Variants in SPIDR observed in about 807,000 individuals in gnomAD.
SPIDR encodes the protein scaffold protein involved in DNA repair.
Under a neutral mutation model 104.6 loss-of-function variants are expected in SPIDR, and 93 were observed. The ratio of observed to expected loss-of-function variants is 0.89; its 90% CI spans 0.75 to 1.06. The LOEUF is 1.06. SPIDR is among the 50% of genes least tolerant of loss of function. The probability of loss-of-function intolerance (pLI) is 0.00; values close to 1 mark genes in which losing one functional copy is unlikely to be tolerated. For missense variants in SPIDR, 1,154 were observed against 1,111.2 expected (o/e 1.04, Z -0.55); for synonymous variants, 431 against 416.9 (o/e 1.03, Z -0.41).
intron 7 of SPIDR, among the ~76,000 whole-genome samples, chr8:47,422,663 A>T (rs145823951): frequency 1.3e-5 from 2 of 152,190 alleles, no homozygotes; most frequent in Non-Finnish European, 2.9e-5. Flanking sequence ...CCGGTACCTC[A>T]GTTGGAAATG....
intron 5 of SPIDR, among the ~76,000 whole-genome samples, chr8:47,319,215 G>T (rs1219686149): frequency 6.6e-6 from 1 of 152,092 alleles, no homozygotes; most frequent in Non-Finnish European, 1.5e-5. Context: ...ATGTGCAGAA[G>T]ACACACACAG....
chr8:47,594,767 G>T (rs2061462136), intron 8 of SPIDR, among the ~76,000 whole-genome samples: 1 of 152,126 alleles, frequency 6.6e-6, no homozygotes. Flanking sequence ...GCCAAGGTGG[G>T]TGGATCACTT....
At chr8:47,654,267 AATC>A in intron 10 of SPIDR, 1 of 924,530 alleles carries the variant, frequency 1.1e-6, no homozygotes, top group Non-Finnish European at 1.5e-6. Flanking sequence ...GCACCTGCCT[AATC>A]CATGTAGGTG....
chr8:47,283,457 G>T (rs2038212326), intron 2 of SPIDR, among the ~76,000 whole-genome samples: 1 of 152,092 alleles, frequency 6.6e-6, no homozygotes, highest in Non-Finnish European at 1.5e-5. Flanking sequence ...AATAATAATG[G>T]TAAAGTTTGA....
chr8:47,483,805 A>G (rs1443362267), intron 8 of SPIDR, among the ~76,000 whole-genome samples: 1 of 152,114 alleles, frequency 6.6e-6, no homozygotes, highest in African/African-American at 2.4e-5. Context: ...AACCTTGGTC[A>G]CCTCTGTGGT....
intron 8 of SPIDR, among the ~76,000 whole-genome samples, chr8:47,498,901 T>C (rs927033967): frequency 6.6e-6 from 1 of 152,210 alleles, no homozygotes; most frequent in Non-Finnish European, 1.5e-5. Context: ...ATTTAGCTTT[T>C]TGATGACGTA....
At chr8:47,471,353 C>A in intron 8 of SPIDR, among the ~76,000 whole-genome samples, 1 of 142,752 alleles carries the variant, frequency 7.0e-6, no homozygotes, top group Non-Finnish European at 1.5e-5. Flanking sequence ...CAGCCCAGTT[C>A]AAAAATGAGC....
chr8:47,596,112 A>G, intron 9 of SPIDR, 106 bp downstream of exon 9: 5 of 957,814 alleles, frequency 5.2e-6, no homozygotes, highest in Non-Finnish European at 7.7e-6. Context: ...TCTCCCTCCA[A>G]AAACCCCACC....
chr8:47,448,227 T>C (rs1554703375), intron 8 of SPIDR, among the ~76,000 whole-genome samples: 4 of 152,188 alleles, frequency 2.6e-5, no homozygotes, highest in Non-Finnish European at 5.9e-5. Context: ...ATTCAAAAAT[T>C]TTTTTACTAC....
intron 10 of SPIDR, among the ~76,000 whole-genome samples, chr8:47,619,284 TGG>T (rs1445953141): frequency 6.6e-6 from 1 of 152,240 alleles, no homozygotes; most frequent in Admixed American, 6.5e-5. Context: ...TTTAGATGTT[TGG>T]GGTCTTGGTT....
At chr8:47,692,667 C>T (rs956143783) in intron 11 of SPIDR, among the ~76,000 whole-genome samples, 1 of 151,466 alleles carries the variant, frequency 6.6e-6, no homozygotes, top group Non-Finnish European at 1.5e-5. Context: ...CCAGCTAATT[C>T]GAACTCCTGA....
chr8:47,555,035 A>G (rs1202465262), intron 8 of SPIDR, among the ~76,000 whole-genome samples: 1 of 152,126 alleles, frequency 6.6e-6, no homozygotes, highest in Non-Finnish European at 1.5e-5. Context: ...CTTAGTCTTG[A>G]TCTAACCTAG....
chr8:47,555,335 G>C (rs2091191081), intron 8 of SPIDR, among the ~76,000 whole-genome samples: 1 of 152,082 alleles, frequency 6.6e-6, no homozygotes, highest in Non-Finnish European at 1.5e-5. Context: ...GTATCTCTTG[G>C]TGCCTAGGAT....
chr8:47,466,887 G>GAAAAA (rs148299700), intron 8 of SPIDR, among the ~76,000 whole-genome samples: 22 of 48,960 alleles, frequency 4.5e-4, no homozygotes, highest in African/African-American at 1.1e-3. Context: ...AGTTTTTTTT[G>GAAAAA]AAAAAAAAAA....
intron 8 of SPIDR, among the ~76,000 whole-genome samples, chr8:47,502,236 C>A (rs1044372590): frequency 1.3e-5 from 2 of 152,144 alleles, no homozygotes; most frequent in African/African-American, 2.4e-5. Flanking sequence ...CTCCTTGTAC[C>A]TCTGATAGAA....
chr8:47,455,489 AAG>A (rs1456659400), intron 8 of SPIDR, among the ~76,000 whole-genome samples: 1 of 152,116 alleles, frequency 6.6e-6, no homozygotes, highest in Non-Finnish European at 1.5e-5. Flanking sequence ...CATAAGAAAA[AAG>A]TGTATAAGGC....
At chr8:47,354,108 A>G (rs1405720909) in intron 5 of SPIDR, among the ~76,000 whole-genome samples, 9 of 152,232 alleles carry the variant, frequency 5.9e-5, no homozygotes, top group Non-Finnish European at 1.3e-4. Flanking sequence ...CGTATAACGT[A>G]TTGACTCTGC....
chr8:47,281,615 T>G (rs1173792189), intron 2 of SPIDR, among the ~76,000 whole-genome samples: 1 of 152,230 alleles, frequency 6.6e-6, no homozygotes, highest in Admixed American at 6.5e-5. Context: ...CGTAGGAAAT[T>G]GCAGCAATTC....
At chr8:47,583,486 A>G (rs2059953815) in intron 8 of SPIDR, among the ~76,000 whole-genome samples, 1 of 152,172 alleles carries the variant, frequency 6.6e-6, no homozygotes. Context: ...TATACATGCT[A>G]TATCAACGTG....
Sources: gnomAD v4.1 joint callset for allele counts (sites outside exome capture counted in the v4.1 genomes callset) on GRCh38, gnomAD v4.1.1 for gene constraint, MANE v1.5 for transcripts, NCBI Gene and HGNC (gene_info 2026-07-23, HGNC 2026-07-21) for gene names.